OR6P1: variants seen among roughly 807,000 people sequenced by gnomAD.
The protein encoded by OR6P1 is olfactory receptor family 6 subfamily P member 1.
OR6P1 carries 5 observed loss-of-function variants against 6.6 expected under a neutral mutation model. That is an observed-to-expected ratio of 0.76 (90% CI 0.40 to 1.60). OR6P1 has a LOEUF of 1.60. Ranked by LOEUF, OR6P1 falls within the 40% of genes most tolerant of loss-of-function variation. The probability of loss-of-function intolerance (pLI) is 0.02; values close to 1 mark genes in which losing one functional copy is unlikely to be tolerated. For missense variants in OR6P1, 451 were observed against 383.0 expected (o/e 1.18, Z -1.48); for synonymous variants, 177 against 149.6 (o/e 1.18, Z -1.33).
chr1:158,562,602 G>T lies in OR6P1; in HGVS notation c.*49C>A. The T allele has an allele frequency of 9.9e-7, 1 of 1,010,760 alleles. No individual in the cohort carries two copies. The highest frequency in any genetic ancestry group is 1.5e-6 in the Non-Finnish European group (1 of 657,558). The allele number at this position is 1,010,760 out of a possible 1,614,324, so 62.6% of individuals were successfully genotyped here. ...AAGCCTATTCTGATTCCTTGAGGAG[G>T]CCCTATTAAGATTCTGCTATTTTCA... On this transcript the variant is annotated 3_prime_UTR_variant, in exon 3 of 3. Coordinates refer to ENST00000641540, the MANE Select transcript of OR6P1 (RefSeq NM_001160325.2).
rs1330080467 is a variant in OR6P1, at chr1:158,561,978, C to T, written c.*673G>A. The T allele has an allele frequency of 6.6e-6, 1 of 152,188 alleles. No individual in the cohort carries two copies. Among genetic ancestry groups the T allele is most frequent in the African/African-American group, 2.4e-5 (1 of 41,406 alleles). The allele number at this position is 152,188 out of a possible 1,614,324, so 9.4% of individuals were successfully genotyped here. A position where few individuals can be genotyped will look rare whatever the true frequency, so the allele number is the denominator to read the frequency against. On this transcript the variant is annotated 3_prime_UTR_variant, in exon 3 of 3. Coordinates refer to ENST00000641540, the MANE Select transcript of OR6P1 (RefSeq NM_001160325.2). ...TGTTAGGTCAACCAGCTTTACATGC[C>T]CCTGAGATTCAAAGAAGGGAGATGG...
chr1:158,565,248 G>C (rs771510480), intron 2 of OR6P1, among the ~76,000 whole-genome samples: 1 of 151,850 alleles, frequency 6.6e-6, no homozygotes, highest in African/African-American at 2.4e-5. Flanking sequence ...TGCATTATGA[G>C]AATTGAACTT....
chr1:158,563,443 G>T lies in OR6P1; in HGVS notation c.162C>A (p.Ser54Arg). Reference sequence around the variant, plus strand: ...GGAAAAAGTACATGGGACGATGAAGGCTTGGAGCAAGCCATATTGTGAAGA... The same window carrying T: ...GGAAAAAGTACATGGGACGATGAAGTCTTGGAGCAAGCCATATTGTGAAGA... ...LIVFTIWLAP[S>R]LHRPMYFFLG... is the part of the protein sequence containing the mutation. The change falls in exon 3 of 3, where the codon AGC becomes AGA. Residue 54 changes from serine (S) to arginine (R), a missense_variant. Coordinates refer to ENST00000641540, the MANE Select transcript of OR6P1 (RefSeq NM_001160325.2). 6.4e-7 allele frequency: 1 copy of T among 1,551,210 alleles called. No homozygotes were observed. The highest frequency in any genetic ancestry group is 1.2e-5 in the South Asian group (1 of 84,000).
rs1648001270 is a variant in OR6P1, at chr1:158,563,148, A to G, written c.457T>C (p.Phe153Leu). Reference sequence around the variant, plus strand: ...AGAAGCTTCATCATGGAGCTGAAGAAGCCACTGCCCCAAGAGGCAGCAGCA... The same window carrying G: ...AGAAGCTTCATCATGGAGCTGAAGAGGCCACTGCCCCAAGAGGCAGCAGCA... ...RLAAASWGSG[F>L]FSSMMKLLFI... Residue 153 changes from phenylalanine (F) to leucine (L), a missense_variant, in exon 3 of 3, where the codon TTC becomes CTC. Coordinates refer to ENST00000641540, the MANE Select transcript of OR6P1 (RefSeq NM_001160325.2). The G allele has an allele frequency of 1.3e-6, 2 of 1,551,554 alleles. No individual in the cohort carries two copies. The highest frequency in any genetic ancestry group is 2.0e-5 in the Admixed American group (1 of 50,956).
intron 1 of OR6P1, among the ~76,000 whole-genome samples, chr1:158,568,615 C>A (rs1018072030): frequency 6.6e-6 from 1 of 152,142 alleles, no homozygotes; most frequent in African/African-American, 2.4e-5. Context: ...TACAATTTAT[C>A]TTTTATTTGC....
At position 158,562,353 on chromosome 1, in the gene OR6P1, T is replaced by C. The variant is rs1414834632; in HGVS notation, c.*298A>G. ...AATTCCCAGGAAGTTTTGAATATTA[T>C]TCACGGCAGGGTTACATTCCACACA... On this transcript the variant is annotated 3_prime_UTR_variant, in exon 3 of 3. Transcript: ENST00000641540. 6.3e-6 allele frequency: 2 copies of C among 319,238 alleles called. No homozygotes were observed. The highest frequency in any genetic ancestry group is 1.2e-5 in the Non-Finnish European group (2 of 172,876). 19.8% of individuals were successfully genotyped at this position (319,238 alleles called of 1,614,324 possible). A position where few individuals can be genotyped will look rare whatever the true frequency, so the allele number is the denominator to read the frequency against.
Position 158,561,423 on chromosome 1 carries a change from C to T in OR6P1, c.*1228G>A, listed in dbSNP as rs1265698854. 2 of 152,146 alleles carry T rather than the reference C, an allele frequency of 1.3e-5. No homozygotes were observed. The highest frequency in any genetic ancestry group is 6.5e-5 in the Admixed American group (1 of 15,272). The allele number at this position is 152,146 out of a possible 1,614,324, so 9.4% of individuals were successfully genotyped here. A position where few individuals can be genotyped will look rare whatever the true frequency, so the allele number is the denominator to read the frequency against. On this transcript the variant is annotated 3_prime_UTR_variant, in exon 3 of 3. Transcript: ENST00000641540. ...AAATGATTGTTGATAAAGTAGCTTG[C>T]ATTGATGGACACATGTCTTTTTCTC...
In OR6P1 at chr1:158,561,915, G is replaced by A. The variant is rs944827807; in HGVS notation, c.*736C>T. 2.0e-5 allele frequency: 3 copies of A among 152,204 alleles called. No homozygotes were observed. Among genetic ancestry groups the A allele is most frequent in the Admixed American group, 2.0e-4 (3 of 15,274 alleles). 9.4% of individuals were successfully genotyped at this position (152,204 alleles called of 1,614,324 possible). A position where few individuals can be genotyped will look rare whatever the true frequency, so the allele number is the denominator to read the frequency against. On this transcript the variant is annotated 3_prime_UTR_variant, in exon 3 of 3. Transcript: ENST00000641540. ...AGCGAAGGAGAAGATCTGTATATAA[G>A]CTTTCTAGAACATTTTACCTACTAC...
At position 158,562,695 on chromosome 1, in the gene OR6P1, T is replaced by C; in HGVS notation, c.910A>G (p.Thr304Ala). 1 of 1,559,210 alleles carries C rather than the reference T, an allele frequency of 6.4e-7. No homozygotes were observed. The highest frequency in any genetic ancestry group is 8.7e-7 in the Non-Finnish European group (1 of 1,150,818). ...NKEVKEAFRK[T>A]VMGRCHYPRD... Reference sequence around the variant, plus strand: ...GGATAGTGACATCTGCCCATCACTGTCTTCCTGAAGGCCTCCTTCACCTCC... The same window carrying C: ...GGATAGTGACATCTGCCCATCACTGCCTTCCTGAAGGCCTCCTTCACCTCC... The change falls in exon 3 of 3, where the codon ACA becomes GCA. Residue 304 changes from threonine to alanine, a missense_variant. Coordinates refer to ENST00000641540, the MANE Select transcript of OR6P1 (RefSeq NM_001160325.2).
chr1:158,570,007 G>C (rs867836971), intron 1 of OR6P1, among the ~76,000 whole-genome samples: 35 of 152,236 alleles, frequency 2.3e-4, no homozygotes, highest in African/African-American at 7.7e-4. Flanking sequence ...CGAATTCGTA[G>C]ATATAGACTT....
chr1:158,567,637 A>G (rs1648130851), intron 1 of OR6P1, among the ~76,000 whole-genome samples: 1 of 112,444 alleles, frequency 8.9e-6, no homozygotes, highest in Non-Finnish European at 1.8e-5. Flanking sequence ...CACTCTGGGG[A>G]CTGTTGTGGG....
rs2101715581 is a variant in OR6P1 at position 158,562,637 on chromosome 1, A to G, written c.*14T>C. The G allele has an allele frequency of 6.8e-7, 1 of 1,475,226 alleles. No homozygotes were observed. Among genetic ancestry groups the G allele is most frequent in the Non-Finnish European group, 9.3e-7 (1 of 1,076,784 alleles). 91.4% of individuals were successfully genotyped at this position (1,475,226 alleles called of 1,614,324 possible). ...GATTCTGCTATTTTCACCTCTCCCA[A>G]GACCTGTTGTATATCAGTCCTGAAC... On this transcript the variant is annotated 3_prime_UTR_variant, in exon 3 of 3. Coordinates refer to ENST00000641540, the MANE Select transcript of OR6P1 (RefSeq NM_001160325.2).
Position 158,566,257 on chromosome 1 carries a change from G to A in OR6P1, c.-23+507C>T, listed in dbSNP as rs777130091. ...TGGAACTATTCTTGCCTGGACATTG[G>A]AAGATTTTTATTTTTATTTTTATAC... On this transcript the variant is annotated intron_variant, in intron 2 of 2. Transcript: ENST00000641540. Among the ~76,000 whole-genome samples, 20 of 152,270 alleles carry A rather than the reference G, an allele frequency of 1.3e-4. No individual in the cohort carries two copies. The South Asian group carries it at 4.1e-3, about 32-fold the overall frequency.
intron 1 of OR6P1, among the ~76,000 whole-genome samples, chr1:158,567,164 G>C (rs1240068377): frequency 6.6e-6 from 1 of 151,374 alleles, no homozygotes; most frequent in African/African-American, 2.4e-5. Flanking sequence ...GAGAGGATGT[G>C]GAGAAATAGG....
At chr1:158,566,642 TC>T (rs1021621173) in intron 2 of OR6P1, 121 bp downstream of exon 2, 1 of 152,194 alleles carries the variant, frequency 6.6e-6, no homozygotes, top group Admixed American at 6.6e-5. Flanking sequence ...ATTTGTTTAG[TC>T]TTGAATTTAC....
In OR6P1 at chr1:158,562,935, C is replaced by G; in HGVS notation, c.670G>C (p.Ala224Pro). ...CTGGACGTAGGGATCCTCAGGATGG[C>G]TGCAATGATGGCAGTGTATGATGAA... ...VVSSYTAIIA[A>P]ILRIPTSRGR... The change falls in exon 3 of 3, where the codon GCC becomes CCC. Residue 224 changes from alanine to proline, a missense_variant. Physicochemically the swap from Ala to Pro is conservative, Grantham distance 27. Coordinates refer to ENST00000641540, the MANE Select transcript of OR6P1 (RefSeq NM_001160325.2). 3.2e-6 allele frequency: 5 copies of G among 1,551,706 alleles called. No homozygotes were observed. Among genetic ancestry groups the G allele is most frequent in the Non-Finnish European group, 4.4e-6 (5 of 1,146,996 alleles).
At position 158,562,723 on chromosome 1, in the gene OR6P1, G is replaced by A. The variant is rs1316077484; in HGVS notation, c.882C>T (p.Asn294=). The change falls in exon 3 of 3, where the codon AAC becomes AAT. Residue 294 remains asparagine, a synonymous_variant. Transcript: ENST00000641540. ...FFNPAIYCLR[N]KEVKEAFRKT... Reference sequence around the variant, plus strand: ...TCCTGAAGGCCTCCTTCACCTCCTTGTTCCTCAGGCAGTAGATGGCTGGGT... The same window carrying A: ...TCCTGAAGGCCTCCTTCACCTCCTTATTCCTCAGGCAGTAGATGGCTGGGT... 1 of 1,561,674 alleles carries A rather than the reference G, an allele frequency of 6.4e-7. No homozygotes were observed. Among genetic ancestry groups the A allele is most frequent in the African/African-American group, 1.4e-5 (1 of 73,414 alleles).
intron 1 of OR6P1, among the ~76,000 whole-genome samples, chr1:158,567,319 A>T (rs1364100798): frequency 3.9e-5 from 6 of 151,906 alleles, no homozygotes; most frequent in Non-Finnish European, 7.4e-5. Context: ...ACTATAAATC[A>T]TGCTGCTATA....
chr1:158,563,653 A>G, intron 2 of OR6P1, 27 bp from the exon 3 acceptor site: 16 of 1,238,340 alleles, frequency 1.3e-5, no homozygotes, highest in Non-Finnish European at 1.6e-5. Context: ...GAAGAACAAG[A>G]GGTTTGAAAG....
Sources: allele counts gnomAD v4.1 joint callset (sites outside exome capture counted in the v4.1 genomes callset), GRCh38; gene constraint gnomAD v4.1.1; transcripts MANE v1.5; gene names NCBI Gene and HGNC (gene_info 2026-07-23, HGNC 2026-07-21).